PGCKA1: variants seen among roughly 807,000 people sequenced by gnomAD.
PGCKA1 encodes the protein PDCD10 and GCKIII kinases associated 1.
the PGCKA1 span, among the ~76,000 whole-genome samples, chr4:37,545,749 C>G: frequency 6.6e-6 from 1 of 152,204 alleles, no homozygotes; most frequent in Non-Finnish European, 1.5e-5. Context: ...TAACTGATAA[C>G]TTCAGGATCT....
the PGCKA1 span, among the ~76,000 whole-genome samples, chr4:37,563,056 A>G: frequency 0.49 from 74,564 of 151,824 alleles, 18,842 homozygotes; most frequent in East Asian, 0.67. Flanking sequence ...AGGTTCATCT[A>G]CAATTAGGGG....
At chr4:37,555,218 C>T in the PGCKA1 span, among the ~76,000 whole-genome samples, 1 of 152,176 alleles carries the variant, frequency 6.6e-6, no homozygotes, top group African/African-American at 2.4e-5. Context: ...GCAAGTAGGG[C>T]GTTCTGTTCC....
the PGCKA1 span, among the ~76,000 whole-genome samples, chr4:37,573,932 A>G: frequency 1.3e-5 from 2 of 152,164 alleles, no homozygotes; most frequent in Admixed American, 6.5e-5. Flanking sequence ...GCTCATGCCT[A>G]TAATTCCAGC....
At chr4:37,463,783 GC>G in the PGCKA1 span, among the ~76,000 whole-genome samples, 1 of 149,230 alleles carries the variant, frequency 6.7e-6, no homozygotes, top group African/African-American at 2.5e-5. Context: ...ATTTAATGGG[GC>G]AAAAGGAGTG....
chr4:37,556,998 G>T, the PGCKA1 span, among the ~76,000 whole-genome samples: 1 of 152,174 alleles, frequency 6.6e-6, no homozygotes, highest in Non-Finnish European at 1.5e-5. Context: ...ATCACTGAAA[G>T]GGTGTAAAAC....
the PGCKA1 span, among the ~76,000 whole-genome samples, chr4:37,544,443 G>A: frequency 2.0e-5 from 3 of 151,276 alleles, no homozygotes; most frequent in South Asian, 2.1e-4. Flanking sequence ...CCCTTCTTTT[G>A]TTTATTCTCT....
the PGCKA1 span, among the ~76,000 whole-genome samples, chr4:37,502,242 C>T: frequency 3.9e-5 from 6 of 152,332 alleles, no homozygotes; most frequent in South Asian, 4.1e-4. Context: ...GGGTGCATGA[C>T]GCATGCCTGT....
chr4:37,511,105 G>A, the PGCKA1 span, among the ~76,000 whole-genome samples: 9,753 of 152,028 alleles, frequency 0.064, 376 homozygotes, highest in Middle Eastern at 0.088. Flanking sequence ...TCAGGGCAGC[G>A]GACTTTTTCT....
the PGCKA1 span, among the ~76,000 whole-genome samples, chr4:37,508,729 G>T: frequency 2.4e-5 from 3 of 127,456 alleles, no homozygotes. Context: ...TCTTGCAGAG[G>T]GGGATTTGGC....
At chr4:37,540,368 ACTT>A in the PGCKA1 span, among the ~76,000 whole-genome samples, 1 of 152,248 alleles carries the variant, frequency 6.6e-6, no homozygotes, top group Admixed American at 6.5e-5. Context: ...TTTAAAAACT[ACTT>A]AGAATTTGGC....
At chr4:37,589,920 CCAAA>C in the PGCKA1 span, among the ~76,000 whole-genome samples, 1 of 152,228 alleles carries the variant, frequency 6.6e-6, no homozygotes, top group Non-Finnish European at 1.5e-5. Context: ...GCGTGAGCCA[CCAAA>C]CATTTTTATA....
At chr4:37,508,814 G>A in the PGCKA1 span, among the ~76,000 whole-genome samples, 4 of 150,192 alleles carry the variant, frequency 2.7e-5, no homozygotes, top group South Asian at 6.5e-4. Flanking sequence ...TTCCTAGGCA[G>A]AGGACCCTGC....
chr4:37,535,091 G>A, the PGCKA1 span, among the ~76,000 whole-genome samples: 1 of 152,158 alleles, frequency 6.6e-6, no homozygotes, highest in Non-Finnish European at 1.5e-5. Flanking sequence ...AGGCATCCAG[G>A]GTACTTTCCG....
chr4:37,480,597 G>A, the PGCKA1 span, among the ~76,000 whole-genome samples: 1 of 152,244 alleles, frequency 6.6e-6, no homozygotes, highest in Non-Finnish European at 1.5e-5. Flanking sequence ...TTTAGGGTGA[G>A]GGGGCTTGTC....
chr4:37,590,351 A>G, the PGCKA1 span: 1 of 1,613,704 alleles, frequency 6.2e-7, no homozygotes, highest in Non-Finnish European at 8.5e-7. Context: ...TGCGGTGTCA[A>G]CGGCATCGGC....
At chr4:37,508,790 A>T in the PGCKA1 span, among the ~76,000 whole-genome samples, 1 of 150,112 alleles carries the variant, frequency 6.7e-6, no homozygotes, top group East Asian at 2.0e-4. Context: ...ACAAGTGAAC[A>T]AGGGTCTCTG....
chr4:37,501,211 T>G, the PGCKA1 span, among the ~76,000 whole-genome samples: 1 of 151,832 alleles, frequency 6.6e-6, no homozygotes, highest in African/African-American at 2.4e-5. Context: ...ATAGCAGGGG[T>G]CCCCAACCCA....
At chr4:37,475,243 A>G in the PGCKA1 span, among the ~76,000 whole-genome samples, 8 of 152,236 alleles carry the variant, frequency 5.3e-5, no homozygotes, top group South Asian at 1.7e-3. Flanking sequence ...TCCTTCTAAC[A>G]TTTCCTCCTT....
the PGCKA1 span, among the ~76,000 whole-genome samples, chr4:37,459,756 A>G: frequency 6.6e-6 from 1 of 150,958 alleles, no homozygotes; most frequent in African/African-American, 2.4e-5. Flanking sequence ...TGGAGAAATG[A>G]CTTGTATTAA....
Sources: gnomAD v4.1 joint callset for allele counts (sites outside exome capture counted in the v4.1 genomes callset) on GRCh38, gnomAD v4.1.1 for gene constraint, MANE v1.5 for transcripts, NCBI Gene and HGNC (gene_info 2026-07-23, HGNC 2026-07-21) for gene names.